Variants in ROR1 observed in about 807,000 individuals in gnomAD.
ROR1 encodes ROR family WNT receptor 1.
ROR1 carries 19 observed loss-of-function variants against 78.8 expected under a neutral mutation model. The ratio of observed to expected loss-of-function variants is 0.24; its 90% confidence interval spans 0.17 to 0.35. ROR1 has a LOEUF of 0.35. ROR1 is among the 10% of genes least tolerant of loss of function. The pLI, the probability that ROR1 is intolerant of heterozygous loss-of-function variation, is 1.00. For missense variants in ROR1, 917 were observed against 1,177.8 expected, an observed-to-expected ratio of 0.78 and a Z score of 3.24; for synonymous variants, 386 against 433.6, an observed-to-expected ratio of 0.89 and a Z score of 1.36.
chr1:63,860,162 T>G (rs536332448), intron 1 of ROR1, among the ~76,000 whole-genome samples: 7 of 152,298 alleles, frequency 4.6e-5, no homozygotes, highest in African/African-American at 1.7e-4. Flanking sequence ...ATTATTCTTA[T>G]TACTATTATT....
chr1:63,863,783 ATTGTATTG>A (rs1645197698), intron 1 of ROR1, among the ~76,000 whole-genome samples: 1 of 149,730 alleles, frequency 6.7e-6, no homozygotes, highest in Non-Finnish European at 1.5e-5. Context: ...ATTGTATTGT[ATTGTATTG>A]TATTGTATTG....
intron 1 of ROR1, among the ~76,000 whole-genome samples, chr1:63,852,984 A>G (rs1645123476): frequency 1.3e-5 from 2 of 152,200 alleles, no homozygotes; most frequent in Non-Finnish European, 2.9e-5. Flanking sequence ...TATAAGTAAG[A>G]TTTAAACTTA....
intron 1 of ROR1, among the ~76,000 whole-genome samples, chr1:63,836,796 G>A (rs1645020975): frequency 6.6e-6 from 1 of 152,184 alleles, no homozygotes; most frequent in Non-Finnish European, 1.5e-5. Flanking sequence ...ATCTTTTTAA[G>A]AATGCCCCCT....
intron 1 of ROR1, among the ~76,000 whole-genome samples, chr1:63,861,712 G>A (rs1368391755): frequency 6.6e-6 from 1 of 152,088 alleles, no homozygotes; most frequent in Non-Finnish European, 1.5e-5. Flanking sequence ...TGGTTTTTGG[G>A]GATTCTACTT....
At chr1:63,803,984 A>G (rs1461281720) in intron 1 of ROR1, among the ~76,000 whole-genome samples, 1 of 152,226 alleles carries the variant, frequency 6.6e-6, no homozygotes, top group African/African-American at 2.4e-5. Flanking sequence ...TGGGTAAAAA[A>G]TTATGAGACA....
At chr1:63,989,075 C>A (rs1646273659) in intron 1 of ROR1, among the ~76,000 whole-genome samples, 1 of 151,482 alleles carries the variant, frequency 6.6e-6, no homozygotes, top group African/African-American at 2.4e-5. Flanking sequence ...TATTGTTTTC[C>A]ACAGTGGCTG....
At chr1:63,968,047 A>G (rs1174507121) in intron 1 of ROR1, among the ~76,000 whole-genome samples, 2 of 152,204 alleles carry the variant, frequency 1.3e-5, no homozygotes, top group Non-Finnish European at 2.9e-5. Flanking sequence ...GTCTGTGTGC[A>G]TATGCCTGTG....
intron 1 of ROR1, among the ~76,000 whole-genome samples, chr1:63,790,775 G>T (rs1644721492): frequency 6.6e-6 from 1 of 152,080 alleles, no homozygotes; most frequent in African/African-American, 2.4e-5. Context: ...CAGGAATTTT[G>T]AAAGAGGTCT....
intron 1 of ROR1, among the ~76,000 whole-genome samples, chr1:63,976,703 T>C (rs2100503866): frequency 6.6e-6 from 1 of 152,290 alleles, no homozygotes; most frequent in South Asian, 2.1e-4. Flanking sequence ...CACCTTCAAA[T>C]GGATATAGGA....
At chr1:64,017,212 A>G (rs930995660) in intron 2 of ROR1, among the ~76,000 whole-genome samples, 9 of 152,072 alleles carry the variant, frequency 5.9e-5, no homozygotes, top group African/African-American at 1.9e-4. Context: ...AGCCAGGAAC[A>G]CCTTCCTGAT....
intron 1 of ROR1, among the ~76,000 whole-genome samples, chr1:63,976,734 T>G (rs1646164308): frequency 6.6e-6 from 1 of 152,140 alleles, no homozygotes; most frequent in Non-Finnish European, 1.5e-5. Flanking sequence ...ACAGGTTGAG[T>G]ATCCCTTATC....
intron 1 of ROR1, among the ~76,000 whole-genome samples, chr1:63,958,082 CA>C (rs1645998100): frequency 6.6e-6 from 1 of 152,158 alleles, no homozygotes; most frequent in Non-Finnish European, 1.5e-5. Flanking sequence ...GCACTTACCA[CA>C]ATTCCTCATT....
rs1231246218 is a variant in ROR1, at chr1:63,785,503, T to A, written c.91+10995T>A. 6.0e-4 allele frequency among the ~76,000 whole-genome samples: 41 copies of A among 68,570 alleles called. No individual in the cohort carries two copies. In the African/African-American group the frequency reaches 1.0e-2, roughly 17 times the overall value. 45.0% of individuals were successfully genotyped at this position (68,570 alleles called of 152,430 possible). ...GCAACTATATATATATATATTTTAT[T>A]TATTTATTTATTTATTTATTTATTT... On this transcript the variant is annotated intron_variant, in intron 1 of 8. Transcript: ENST00000371079.
chr1:64,110,286 G>T (rs1259300791), intron 4 of ROR1, among the ~76,000 whole-genome samples: 1 of 152,110 alleles, frequency 6.6e-6, no homozygotes, highest in Non-Finnish European at 1.5e-5. Context: ...TAGATTTTAT[G>T]TGCATAAGTG....
chr1:64,130,654 T>C (rs934552072), intron 4 of ROR1, among the ~76,000 whole-genome samples: 1 of 152,174 alleles, frequency 6.6e-6, no homozygotes, highest in Admixed American at 6.5e-5. Flanking sequence ...TGAAGTCTCC[T>C]CCAGAAGAGG....
chr1:64,038,115 C>T (rs980432912), intron 2 of ROR1, among the ~76,000 whole-genome samples: 1 of 152,144 alleles, frequency 6.6e-6, no homozygotes, highest in African/African-American at 2.4e-5. Context: ...GACAGGTCCC[C>T]CCTCCATGTC....
In ROR1 at chr1:63,774,611, CT is replaced by C; in HGVS notation, c.91+104del. The C allele has an allele frequency of 1.8e-6, 1 of 568,648 alleles. No homozygotes were observed. Among genetic ancestry groups the C allele is most frequent in the Non-Finnish European group, 2.2e-6 (1 of 447,592 alleles). The allele number at this position is 568,648 out of a possible 1,614,324, so 35.2% of individuals were successfully genotyped here. Reference sequence around the variant, plus strand: ...GGACACGCAGGAAGCGCCGCGCTGGCTCCGGGGCGCGTCCGGCCACCCGCCA... The same window carrying C: ...GGACACGCAGGAAGCGCCGCGCTGGCCCGGGGCGCGTCCGGCCACCCGCCA... On this transcript the variant is annotated intron_variant, in intron 1 of 8. Transcript: ENST00000371079. This position sits in a 1 kb window ranked among gnomAD's most constrained non-coding sequence, Gnocchi z 5.7.
Position 63,774,585 on chromosome 1 carries a change from G to C in ROR1, c.91+77G>C, listed in dbSNP as rs1315002201. 6.4e-6 allele frequency: 5 copies of C among 784,688 alleles called. No homozygotes were observed. The highest frequency in any genetic ancestry group is 6.0e-5 in the Admixed American group (1 of 16,746). The allele number at this position is 784,688 out of a possible 1,614,324, so 48.6% of individuals were successfully genotyped here. A position where few individuals can be genotyped will look rare whatever the true frequency, so the allele number is the denominator to read the frequency against. On this transcript the variant is annotated intron_variant, in intron 1 of 8. Transcript: ENST00000371079. This position sits in a 1 kb window ranked among gnomAD's most constrained non-coding sequence, Gnocchi z 5.7. ...ACCCTTCCGCCGTCCAGCCGGGCGC[G>C]GGACACGCAGGAAGCGCCGCGCTGG... is the stretch of plus-strand genomic sequence containing the variant.
chr1:64,100,896 A>G (rs529397640), intron 4 of ROR1, among the ~76,000 whole-genome samples: 2 of 152,340 alleles, frequency 1.3e-5, no homozygotes, highest in South Asian at 2.1e-4. Context: ...TAGATCGTTC[A>G]TAAGATTGCT....
Sources: allele counts gnomAD v4.1 joint callset (sites outside exome capture counted in the v4.1 genomes callset), GRCh38; gene constraint gnomAD v4.1.1; non-coding constraint Gnocchi (gnomAD v3.1); transcripts MANE v1.5; gene names NCBI Gene and HGNC (gene_info 2026-07-23, HGNC 2026-07-21).